Variants in CNTNAP1 observed in about 807,000 individuals in gnomAD.
CNTNAP1 encodes the protein contactin associated protein 1.
Under a neutral mutation model 161.5 loss-of-function variants are expected in CNTNAP1, and 80 were observed. The ratio of observed to expected loss-of-function variants is 0.50; its 90% CI spans 0.41 to 0.60. CNTNAP1 has a LOEUF of 0.60. Ranked by LOEUF, CNTNAP1 falls within the 20% of genes least tolerant of loss-of-function variation. The pLI is 0.00. For synonymous variants in CNTNAP1, 695 were observed against 733.1 expected (o/e 0.95, Z 0.84); for missense variants, 1,464 against 1,854.8 (o/e 0.79, Z 3.87).
chr17:42,694,736 A>G (rs1390003862), intron 18 of CNTNAP1, among the ~76,000 whole-genome samples: 2 of 152,138 alleles, frequency 1.3e-5, no homozygotes, highest in Non-Finnish European at 2.9e-5. Flanking sequence ...TTCCTAAAAC[A>G]TGTCAATGAC....
chr17:42,697,465 T>C, intron 21 of CNTNAP1, 89 bp from the exon 22 acceptor site: 2 of 1,607,144 alleles, frequency 1.2e-6, no homozygotes, highest in Non-Finnish European at 1.7e-6. Context: ...CTGAGGGCAG[T>C]GGGAAGGATG....
intron 10 of CNTNAP1, 151 bp downstream of exon 10, chr17:42,689,198 C>T: frequency 1.3e-6 from 1 of 772,814 alleles, no homozygotes; most frequent in South Asian, 1.9e-5. Context: ...TCTCTTACCT[C>T]CTATTTCTTC....
At position 42,691,502 on chromosome 17, in the gene CNTNAP1, T is replaced by A; in HGVS notation, c.2335T>A (p.Tyr779Asn). Reference protein sequence around the residue: ...AQFFLRPLRCYGDRNSWNTIS... With the variant: ...AQFFLRPLRCNGDRNSWNTIS... ...GTTCTTCCTGAGGCCTCTGCGCTGC[T>A]ATGGCGATCGTGAGTGGCAGTCCCC... The change falls in exon 15 of 24, where the codon TAT (tyrosine) becomes AAT (asparagine). Residue 779 changes from tyrosine (Y) to asparagine (N), a missense_variant. Coordinates refer to ENST00000264638, the MANE Select transcript of CNTNAP1 (RefSeq NM_003632.3). This position sits in a 1 kb window ranked among gnomAD's most constrained non-coding sequence, Gnocchi z 4.3. 6.2e-7 allele frequency: 1 copy of A among 1,614,080 alleles called. No individual in the cohort carries two copies. The highest frequency in any genetic ancestry group is 8.5e-7 in the Non-Finnish European group (1 of 1,179,992).
Position 42,687,510 on chromosome 17 carries a change from G to A in CNTNAP1, c.1045-210G>A, listed in dbSNP as rs2053032613. 1 of 621,374 alleles carries A rather than the reference G, an allele frequency of 1.6e-6. No homozygotes were observed. Among genetic ancestry groups the A allele is most frequent in the Non-Finnish European group, 2.8e-6 (1 of 355,836 alleles). 38.5% of individuals were successfully genotyped at this position (621,374 alleles called of 1,614,324 possible). On this transcript the variant is annotated intron_variant, in intron 7 of 23. Transcript: ENST00000264638. This position sits in a 1 kb window ranked among gnomAD's most constrained non-coding sequence, Gnocchi z 4.7. ...ACGGTGGAGATCAGCGAGAGCAAGC[G>A]AGCAGAGTTCCGAGGGCCGACTGGG...
chr17:42,695,475 G>C, intron 18 of CNTNAP1, 46 bp from the exon 19 acceptor site: 1 of 1,434,248 alleles, frequency 7.0e-7, no homozygotes, highest in African/African-American at 1.5e-5. Context: ...TCTGAATTGG[G>C]GAGTGAGCAG....
At position 42,698,668 on chromosome 17, in the gene CNTNAP1, T is replaced by A; in HGVS notation, c.3913T>A (p.Tyr1305Asn). The A allele has an allele frequency of 3.1e-6, 5 of 1,609,686 alleles. No homozygotes were observed. Among genetic ancestry groups the A allele is most frequent in the Non-Finnish European group, 4.2e-6 (5 of 1,176,686 alleles). The change falls in exon 24 of 24, where the codon TAT becomes AAT. Residue 1305 changes from tyrosine to asparagine, a missense_variant. Physicochemically the swap from Tyr to Asn is moderately radical, Grantham distance 143 (BLOSUM62 -2). This residue lies in a region of CNTNAP1 where 1,383 missense variants were observed against 1,765.0 expected (regional missense o/e 0.78). Coordinates refer to ENST00000264638, the MANE Select transcript of CNTNAP1 (RefSeq NM_003632.3). ...GCTGGTGGGAATGTTGGTGCTCTTCTATCTGCAAAATCATCGCTATAAGGG... is the reference window on the plus strand; with the variant it reads ...GCTGGTGGGAATGTTGGTGCTCTTCAATCTGCAAAATCATCGCTATAAGGG... ...LGLVGMLVLF[Y>N]LQNHRYKGSY...
Position 42,695,673 on chromosome 17 carries a change from G to A in CNTNAP1, c.3145G>A (p.Val1049Met), listed in dbSNP as rs1222650619. The A allele has an allele frequency of 1.2e-6, 2 of 1,614,060 alleles. No individual in the cohort carries two copies. Among genetic ancestry groups the A allele is most frequent in the African/African-American group, 2.7e-5 (2 of 74,926 alleles). ...YIPGYDTPGY[V>M]PGYHGPGYRL... ...CCCGGGCTATGATACTCCGGGCTATGTGCCTGGCTACCATGGCCCCGGGTA... is the reference window on the plus strand; with the variant it reads ...CCCGGGCTATGATACTCCGGGCTATATGCCTGGCTACCATGGCCCCGGGTA... The change falls in exon 19 of 24, where the codon GTG becomes ATG. Residue 1049 changes from valine to methionine, a missense_variant. Val to Met is a conservative substitution (Grantham distance 21). Transcript: ENST00000264638.
intron 20 of CNTNAP1, 46 bp from the exon 21 acceptor site, chr17:42,697,228 G>T: frequency 1.5e-6 from 2 of 1,361,384 alleles, no homozygotes; most frequent in Non-Finnish European, 2.1e-6. Flanking sequence ...ATCTGCTTCT[G>T]GTCCCCGCTC....
chr17:42,691,887 T>C lies in CNTNAP1; in HGVS notation c.2426T>C (p.Val809Ala). 1.2e-6 allele frequency: 2 copies of C among 1,614,122 alleles called. No individual in the cohort carries two copies. Among genetic ancestry groups the C allele is most frequent in the Non-Finnish European group, 1.7e-6 (2 of 1,180,002 alleles). ...ATCCGTGCCAACCACAGCCTGGATG[T>C]CTCCTTCTACTTCAGGACCTCTGCT... ...PPIRANHSLD[V>A]SFYFRTSAPS... is the part of the protein sequence containing the mutation. Residue 809 changes from valine (V) to alanine (A), a missense_variant, in exon 16 of 24, where the codon GTC becomes GCC. By Grantham distance (64) the Val-to-Ala change is moderately conservative. Around this residue, in one of 3 missense-constraint regions of CNTNAP1, gnomAD observed 1,383 missense variants for 1,765.0 expected, o/e 0.78. Transcript: ENST00000264638. This position sits in a 1 kb window ranked among gnomAD's most constrained non-coding sequence, Gnocchi z 4.3.
Position 42,685,094 on chromosome 17 carries a change from G to T in CNTNAP1, c.467G>T (p.Arg156Leu). The change falls in exon 4 of 24, where the codon CGC (arginine) becomes CTC (leucine). Residue 156 changes from arginine (R) to leucine (L), a missense_variant. Arg to Leu is a moderately radical substitution (Grantham distance 102). Around this residue, in one of 3 missense-constraint regions of CNTNAP1, gnomAD observed 1,383 missense variants for 1,765.0 expected, o/e 0.78. Transcript: ENST00000264638. The surrounding 1 kb of genome is among the most constrained non-coding windows in gnomAD (Gnocchi z 5.0). ...ATCGTGCCCCTGGCCTGGAACCCAC[G>T]CGGCAAGATCGGCCTGAGGCTCGGC... ...IRIVPLAWNP[R>L]GKIGLRLGLY... The T allele has an allele frequency of 6.3e-7, 1 of 1,578,676 alleles. No homozygotes were observed.
chr17:42,691,422 T>A lies in CNTNAP1; in HGVS notation c.2255T>A (p.Leu752Gln). The change falls in exon 15 of 24, where the codon CTG becomes CAG. Residue 752 changes from leucine (L) to glutamine (Q), a missense_variant. This residue lies in a region of CNTNAP1 where 1,383 missense variants were observed against 1,765.0 expected (regional missense o/e 0.78). Transcript: ENST00000264638. The surrounding 1 kb of genome is among the most constrained non-coding windows in gnomAD (Gnocchi z 4.3). ...DKGLLTFVDH[L>Q]PVTQVVIGDT... Reference sequence around the variant, plus strand: ...GGACTGCTGACCTTTGTGGACCATCTGCCTGTCACTCAGGTAGTGATAGGG... The same window carrying A: ...GGACTGCTGACCTTTGTGGACCATCAGCCTGTCACTCAGGTAGTGATAGGG... 1 of 1,614,104 alleles carries A rather than the reference T, an allele frequency of 6.2e-7. No homozygotes were observed.
intron 10 of CNTNAP1, among the ~76,000 whole-genome samples, 194 bp downstream of exon 10, chr17:42,689,241 A>G (rs1156716957): frequency 6.6e-6 from 1 of 151,970 alleles, no homozygotes; most frequent in Non-Finnish European, 1.5e-5. Context: ...GATGGAAATG[A>G]CACATTTGCT....
intron 23 of CNTNAP1, 107 bp downstream of exon 23, chr17:42,698,057 A>G: frequency 1.6e-6 from 2 of 1,240,656 alleles, no homozygotes. Context: ...AAGGCACTAG[A>G]TGCACAATGG....
At chr17:42,696,406 C>T (rs1351071460) in intron 20 of CNTNAP1, among the ~76,000 whole-genome samples, 1 of 150,594 alleles carries the variant, frequency 6.6e-6, no homozygotes, top group Non-Finnish European at 1.5e-5. Context: ...TCACTGCAAC[C>T]TCTGCCTCCC....
Position 42,687,192 on chromosome 17 carries a change from G to A in CNTNAP1, c.1044+146G>A. ...GATGCTCAAGTTGGGAGGGGAGCGG[G>A]TCTCACCTGAGGTGCATGAGCCACG... On this transcript the variant is annotated intron_variant, in intron 7 of 23. Transcript: ENST00000264638. The surrounding 1 kb of genome is among the most constrained non-coding windows in gnomAD (Gnocchi z 4.7). The A allele has an allele frequency of 1.7e-6, 2 of 1,181,084 alleles. No homozygotes were observed. Among genetic ancestry groups the A allele is most frequent in the Non-Finnish European group, 2.3e-6 (2 of 852,896 alleles). 73.2% of individuals were successfully genotyped at this position (1,181,084 alleles called of 1,614,324 possible). A position where few individuals can be genotyped will look rare whatever the true frequency, so the allele number is the denominator to read the frequency against.
At chr17:42,693,666 T>C in intron 18 of CNTNAP1, 130 bp downstream of exon 18, 4 of 1,370,700 alleles carry the variant, frequency 2.9e-6, no homozygotes, top group Non-Finnish European at 4.0e-6. Context: ...TCCTGAGCTC[T>C]GAGTTTGGGG....
chr17:42,693,435 C>T lies in CNTNAP1; in HGVS notation c.2891C>T (p.Pro964Leu). 6.2e-7 allele frequency: 1 copy of T among 1,614,236 alleles called. No homozygotes were observed. The highest frequency in any genetic ancestry group is 8.5e-7 in the Non-Finnish European group (1 of 1,180,054). ...SPNCTGHCAHPRLPCFHGGRC... is the reference protein window; with the variant it reads ...SPNCTGHCAHLRLPCFHGGRC... ...AACTGCACAGGCCACTGTGCCCACC[C>T]TCGGCTCCCCTGTTTCCATGGAGGC... Residue 964 changes from proline to leucine, a missense_variant, in exon 18 of 24, where the codon CCT (proline) becomes CTT (leucine). Around this residue, in one of 3 missense-constraint regions of CNTNAP1, gnomAD observed 1,383 missense variants for 1,765.0 expected, o/e 0.78. Coordinates refer to ENST00000264638, the MANE Select transcript of CNTNAP1 (RefSeq NM_003632.3).
Position 42,690,820 on chromosome 17 carries a change from TG to T in CNTNAP1, c.1942del (p.Ala648LeufsTer99). On this transcript the variant is annotated frameshift_variant, in exon 13 of 24. Transcript: ENST00000264638. LOFTEE classifies it high-confidence loss of function. Reference protein sequence around the residue: ...VTGSSMERPFLGAIQYWNASW... With the variant: ...VTGSSMERPFXGAIQYWNASW... ...GGTTCCAGCATGGAGCGGCCATTCCTGGGGGCTATCCAGTACTGGAATGCAT... is the reference window on the plus strand; with the variant it reads ...GGTTCCAGCATGGAGCGGCCATTCCTGGGGCTATCCAGTACTGGAATGCAT... 2 of 1,614,212 alleles carry T rather than the reference TG, an allele frequency of 1.2e-6. No homozygotes were observed. The highest frequency in any genetic ancestry group is 8.5e-7 in the Non-Finnish European group (1 of 1,180,022).
rs775467602 is a variant in CNTNAP1 at position 42,690,859 on chromosome 17, T to A, written c.1976T>A (p.Val659Asp). The A allele has an allele frequency of 1.4e-5, 22 of 1,614,202 alleles. No homozygotes were observed. The highest frequency in any genetic ancestry group is 1.9e-5 in the Non-Finnish European group (22 of 1,180,034). ...IQYWNASWEEVSALANASQHC... is the reference protein window; with the variant it reads ...IQYWNASWEEDSALANASQHC... ...TACTGGAATGCATCCTGGGAGGAAG[T>A]CAGTGCCCTTGCCAATGCTTCCCAG... The change falls in exon 13 of 24, where the codon GTC becomes GAC. Residue 659 changes from valine to aspartate, a missense_variant. Around this residue, in one of 3 missense-constraint regions of CNTNAP1, gnomAD observed 1,383 missense variants for 1,765.0 expected, o/e 0.78. Transcript: ENST00000264638.
Sources: gnomAD v4.1 joint callset for allele counts (sites outside exome capture counted in the v4.1 genomes callset) on GRCh38, gnomAD v4.1.1 for gene constraint, gnomAD v4.1.1 regional missense constraint, Gnocchi (gnomAD v3.1) non-coding constraint, MANE v1.5 for transcripts, NCBI Gene and HGNC (gene_info 2026-07-23, HGNC 2026-07-21) for gene names.